Variants in GRAMD4 observed in about 807,000 individuals in gnomAD.
GRAMD4 encodes GRAM domain containing 4, also known as GRAM domain-containing protein 4.
A neutral mutation model predicts 83.9 loss-of-function variants in GRAMD4; 25 were observed. The observed-to-expected ratio is 0.30, with a 90% CI of 0.22 to 0.42. The LOEUF (loss-of-function observed/expected upper bound fraction) is 0.42, where lower values mean the gene tolerates loss of function less well. Ranked by LOEUF, GRAMD4 falls within the 10% of genes least tolerant of loss-of-function variation. The pLI, the probability that GRAMD4 is intolerant of heterozygous loss-of-function variation, is 1.00. For synonymous variants in GRAMD4, 336 were observed against 320.9 expected, an observed-to-expected ratio of 1.05 and a Z score of -0.50; for missense variants, 593 against 788.7, an observed-to-expected ratio of 0.75 and a Z score of 2.97.
intron 2 of GRAMD4, among the ~76,000 whole-genome samples, chr22:46,632,984 G>A (rs922501034): frequency 7.2e-5 from 11 of 152,182 alleles, no homozygotes; most frequent in East Asian, 3.9e-4. Context: ...ACAGCCCCCC[G>A]CCCGGTGGGG....
chr22:46,637,997 G>C, intron 3 of GRAMD4, 37 bp downstream of exon 3: 1 of 1,606,248 alleles, frequency 6.2e-7, no homozygotes. Context: ...GATGGGACAA[G>C]GTGGGTCAGG....
chr22:46,630,955 C>T (rs8142399), intron 2 of GRAMD4, among the ~76,000 whole-genome samples: 31,837 of 150,456 alleles, frequency 0.21, 3,643 homozygotes, highest in East Asian at 0.44. Flanking sequence ...CCGGCCTCTG[C>T]AGTGTGCCCT....
At chr22:46,603,743 C>T (rs1039337851) in intron 1 of GRAMD4, among the ~76,000 whole-genome samples, 5 of 151,726 alleles carry the variant, frequency 3.3e-5, no homozygotes, top group Admixed American at 3.3e-4. Flanking sequence ...GTCTCGATCT[C>T]CTGACCTCCT....
downstream of GRAMD4, among the ~76,000 whole-genome samples, chr22:46,680,543 TGTCCGTCCGTCC>T (rs531762294): frequency 5.7e-5 from 4 of 70,566 alleles, no homozygotes; most frequent in African/African-American, 2.4e-4. Flanking sequence ...CATCCACATC[TGTCCGTCCGTCC>T]GTCCGTCCGT....
In GRAMD4 at chr22:46,663,119, G is replaced by C. The variant is rs774878500; in HGVS notation, c.546G>C (p.Arg182=). ...TTGGGGAGTACGTGGAGGACTTCCG[G>C]TTCCAGCCCGAGGAGAACACTGTGG... ...ERFGEYVEDF[R]FQPEENTVET... The change falls in exon 6 of 19, where the codon CGG becomes CGC. Residue 182 remains arginine (R), a synonymous_variant. Transcript: ENST00000406902. The C allele has an allele frequency of 6.2e-7, 1 of 1,612,500 alleles. No homozygotes were observed. Among genetic ancestry groups the C allele is most frequent in the South Asian group, 1.1e-5 (1 of 91,080 alleles).
chr22:46,629,106 C>T (rs2081725225), intron 2 of GRAMD4, among the ~76,000 whole-genome samples: 2 of 152,016 alleles, frequency 1.3e-5, no homozygotes, highest in Admixed American at 1.3e-4. Context: ...GGGGAAACCA[C>T]CTCAGGGACT....
Position 46,592,912 on chromosome 22 carries a change from T to C in GRAMD4, c.-50+15622T>C, listed in dbSNP as rs556493499. On this transcript the variant is annotated intron_variant, in intron 1 of 1. Transcript: ENST00000431155. Reference sequence around the variant, plus strand: ...TATTTATGAAGTATTCCAGAATCACTTACATGAATATTTTGTCCTAAATTC... The same window carrying C: ...TATTTATGAAGTATTCCAGAATCACCTACATGAATATTTTGTCCTAAATTC... Among the ~76,000 whole-genome samples the C allele has an allele frequency of 3.9e-5, 6 of 152,314 alleles. No homozygotes were observed. In the South Asian group the frequency reaches 1.2e-3, roughly 32 times the overall value.
In GRAMD4 at chr22:46,672,569, G is replaced by C. The variant is rs1368937288; in HGVS notation, c.1085-274G>C. Among the ~76,000 whole-genome samples, 1 of 151,536 alleles carries C rather than the reference G, an allele frequency of 6.6e-6. No homozygotes were observed. The highest frequency in any genetic ancestry group is 2.4e-5 in the African/African-American group (1 of 41,172). ...GAAGTGAGGGGCATTGGATGGGGGG[G>C]TCCTAGCAGAGCTGAGGGGTCTTAG... On this transcript the variant is annotated intron_variant, in intron 13 of 18. Coordinates refer to ENST00000406902, the MANE Select transcript of GRAMD4 (RefSeq NM_015124.5). This position sits in a 1 kb window ranked among gnomAD's most constrained non-coding sequence, Gnocchi z 4.7.
intron 1 of GRAMD4, among the ~76,000 whole-genome samples, chr22:46,614,823 C>T (rs1178578476): frequency 2.7e-5 from 1 of 37,402 alleles, no homozygotes; most frequent in Non-Finnish European, 5.4e-5. Context: ...TTCCCCTGTG[C>T]TTTATAGGTT....
chr22:46,656,794 G>A (rs199825898), intron 3 of GRAMD4, among the ~76,000 whole-genome samples: 5 of 152,198 alleles, frequency 3.3e-5, no homozygotes, highest in African/African-American at 9.7e-5. Flanking sequence ...TCCAGCAAAC[G>A]CTCTTCTCCT....
At chr22:46,602,671 AT>A (rs1185311782) in intron 1 of GRAMD4, among the ~76,000 whole-genome samples, 2 of 151,698 alleles carry the variant, frequency 1.3e-5, no homozygotes, top group African/African-American at 2.4e-5. Context: ...CAAAAAAAAA[AT>A]TGTATTTCTC....
intron 10 of GRAMD4, 147 bp from the exon 11 acceptor site, chr22:46,667,949 G>A: frequency 1.6e-6 from 1 of 630,564 alleles, no homozygotes; most frequent in Non-Finnish European, 2.9e-6. Context: ...TCCTCCTGGT[G>A]CCAGGTCCCC....
intron 2 of GRAMD4, 124 bp from the exon 3 acceptor site, chr22:46,637,716 G>A (rs999622184): frequency 2.1e-6 from 2 of 949,554 alleles, no homozygotes; most frequent in African/African-American, 3.3e-5. Context: ...AACTGCAGCT[G>A]CTGGTCCCTT....
At chr22:46,653,646 G>A (rs372642293) in intron 3 of GRAMD4, among the ~76,000 whole-genome samples, 3 of 152,214 alleles carry the variant, frequency 2.0e-5, no homozygotes, top group Non-Finnish European at 2.9e-5. Flanking sequence ...AGGAAGGGGC[G>A]TAGGGGGCAG....
intron 3 of GRAMD4, among the ~76,000 whole-genome samples, chr22:46,646,648 C>T (rs1410614695): frequency 2.6e-5 from 4 of 152,162 alleles, no homozygotes; most frequent in Non-Finnish European, 5.9e-5. Flanking sequence ...ACTCAGTGTC[C>T]CTGGACTTGC....
rs1253318107 is a variant in GRAMD4 at position 46,622,494 on chromosome 22, C to T, written c.-50+1929C>T. Among the ~76,000 whole-genome samples the T allele has an allele frequency of 2.6e-5, 4 of 152,068 alleles. No individual in the cohort carries two copies. The highest frequency in any genetic ancestry group is 1.9e-4 in the East Asian group (1 of 5,192). ...AAAAAGCAGTAAAAATGGTGGTTAC[C>T]GGGGGCTTGGGGAGGGCATGGGAGT... On this transcript the variant is annotated intron_variant, in intron 1 of 18. Coordinates refer to ENST00000406902, the MANE Select transcript of GRAMD4 (RefSeq NM_015124.5). This position sits in a 1 kb window ranked among gnomAD's most constrained non-coding sequence, Gnocchi z 4.0.
intron 1 of GRAMD4, among the ~76,000 whole-genome samples, chr22:46,624,037 C>T (rs1298168778): frequency 1.3e-5 from 2 of 152,122 alleles, no homozygotes; most frequent in African/African-American, 4.8e-5. Flanking sequence ...TCACCTCGGC[C>T]TCACAAAATG....
intron 8 of GRAMD4, among the ~76,000 whole-genome samples, chr22:46,665,319 G>A (rs2082391286): frequency 6.6e-6 from 1 of 152,238 alleles, no homozygotes; most frequent in South Asian, 2.1e-4. Context: ...CAAGTCTGGT[G>A]CGTGGGAGCC....
chr22:46,619,643 T>C (rs766728461), upstream of GRAMD4, among the ~76,000 whole-genome samples: 2 of 152,172 alleles, frequency 1.3e-5, no homozygotes, highest in Non-Finnish European at 2.9e-5. Flanking sequence ...CCGCCCCCGG[T>C]CCTCCTGTTC....
Sources: gnomAD v4.1 joint callset for allele counts (sites outside exome capture counted in the v4.1 genomes callset) on GRCh38, gnomAD v4.1.1 for gene constraint, Gnocchi (gnomAD v3.1) non-coding constraint, MANE v1.5 for transcripts, NCBI Gene and HGNC (gene_info 2026-07-23, HGNC 2026-07-21) for gene names.